Variants in NAXD observed in about 807,000 individuals in gnomAD.
The protein encoded by NAXD is ATP-dependent (S)-NAD(P)H-hydrate dehydratase.
A neutral mutation model predicts 35.8 loss-of-function variants in NAXD; 22 were observed. The observed-to-expected ratio is 0.62, with a 90% CI of 0.44 to 0.88. NAXD has a LOEUF of 0.88. NAXD is among the 40% of genes least tolerant of loss of function. The pLI is 0.00. For synonymous variants in NAXD, 189 were observed against 177.6 expected (o/e 1.06, Z -0.51); for missense variants, 428 against 437.7 (o/e 0.98, Z 0.20).
intron 1 of NAXD, among the ~76,000 whole-genome samples, chr13:110,617,921 G>A (rs1407467255): frequency 6.6e-6 from 1 of 152,150 alleles, no homozygotes; most frequent in African/African-American, 2.4e-5. Flanking sequence ...GGCTGTGTTC[G>A]AGGTGATTGA....
At chr13:110,620,091 G>A (rs900240019) in intron 1 of NAXD, among the ~76,000 whole-genome samples, 1 of 151,908 alleles carries the variant, frequency 6.6e-6, no homozygotes, top group Non-Finnish European at 1.5e-5. Context: ...GAGCCACTGC[G>A]CCTGGCCCCA....
At chr13:110,621,874 A>G (rs920418041) in intron 1 of NAXD, among the ~76,000 whole-genome samples, 21 of 151,988 alleles carry the variant, frequency 1.4e-4, no homozygotes, top group African/African-American at 4.8e-4. Context: ...TACTGAAAAT[A>G]CAAAAATTAG....
At position 110,617,399 on chromosome 13, in the gene NAXD, T is replaced by C. The variant is rs534992433; in HGVS notation, c.46+1752T>C. Among the ~76,000 whole-genome samples, 26 of 152,338 alleles carry C rather than the reference T, an allele frequency of 1.7e-4. No individual in the cohort carries two copies. In the South Asian group the frequency reaches 5.4e-3, roughly 32 times the overall value. ...AATGGGATACATCTTAAGTCGCCTA[T>C]TGTCAAGGCCTTTTTATCCTTCAGA... On this transcript the variant is annotated intron_variant, in intron 1 of 9. Transcript: ENST00000680254.
intron 1 of NAXD, among the ~76,000 whole-genome samples, chr13:110,619,869 G>A (rs1886194300): frequency 6.6e-6 from 1 of 152,118 alleles, no homozygotes; most frequent in African/African-American, 2.4e-5. Context: ...CATAATCTTG[G>A]CTCACTGCAG....
Position 110,638,280 on chromosome 13 carries a change from AGATT to A in NAXD, c.840-95_840-92del. Reference sequence around the variant, plus strand: ...TTGAAATTGACAATTTGGGGTCCTGAGATTGAAACAGGAGTCAAAACCAGAGCCC... The same window carrying A: ...TTGAAATTGACAATTTGGGGTCCTGAGAAACAGGAGTCAAAACCAGAGCCC... On this transcript the variant is annotated intron_variant, in intron 9 of 9. Transcript: ENST00000680254. The surrounding 1 kb of genome is among the most constrained non-coding windows in gnomAD (Gnocchi z 5.4). The A allele has an allele frequency of 1.3e-6, 2 of 1,594,240 alleles. No homozygotes were observed. Among genetic ancestry groups the A allele is most frequent in the Non-Finnish European group, 1.7e-6 (2 of 1,171,112 alleles).
chr13:110,622,545 A>G (rs1045269265), intron 2 of NAXD, among the ~76,000 whole-genome samples, 179 bp downstream of exon 2: 1 of 152,186 alleles, frequency 6.6e-6, no homozygotes, highest in Admixed American at 6.5e-5. Flanking sequence ...AACTCTGAGG[A>G]GCCCTGACTG....
In NAXD at chr13:110,632,491, C is replaced by T. The variant is rs537225762; in HGVS notation, c.442-2054C>T. ...CCCACATCCTGCTGATTGGTAGAGC[C>T]GAGTGGCCTGTTTTGTCAGGGCACT... On this transcript the variant is annotated intron_variant, in intron 5 of 9. Coordinates refer to ENST00000680254, the MANE Select transcript of NAXD (RefSeq NM_001242882.2). 9.2e-5 allele frequency among the ~76,000 whole-genome samples: 14 copies of T among 152,246 alleles called. No individual in the cohort carries two copies. The East Asian group carries it at 1.4e-3, about 15-fold the overall frequency.
chr13:110,627,568 C>T (rs775478477), intron 5 of NAXD, 21 bp downstream of exon 5: 2 of 1,526,166 alleles, frequency 1.3e-6, no homozygotes, highest in Non-Finnish European at 9.1e-7. Flanking sequence ...TACTCACTCA[C>T]TTCCCTCATG....
chr13:110,625,716 A>G (rs560548829), intron 4 of NAXD, among the ~76,000 whole-genome samples: 2 of 152,244 alleles, frequency 1.3e-5, no homozygotes, highest in Admixed American at 6.5e-5. Context: ...CAGACCGCCT[A>G]TGCTATAGAG....
chr13:110,634,497 C>CA (rs1566621645), intron 5 of NAXD, 48 bp from the exon 6 acceptor site: 1 of 1,594,312 alleles, frequency 6.3e-7, no homozygotes, highest in Non-Finnish European at 8.6e-7. Context: ...CACATACCCA[C>CA]ACCATAGCAG....
intron 8 of NAXD, among the ~76,000 whole-genome samples, 164 bp downstream of exon 8, chr13:110,635,752 GT>G (rs1235905689): frequency 2.0e-5 from 3 of 152,000 alleles, no homozygotes; most frequent in Non-Finnish European, 4.4e-5. Context: ...CAGAGTCCAT[GT>G]TTTGACTTTT....
intron 1 of NAXD, among the ~76,000 whole-genome samples, chr13:110,617,235 TA>T (rs1379963739): frequency 1.3e-5 from 2 of 152,252 alleles, no homozygotes; most frequent in Admixed American, 6.5e-5. Context: ...TTTGTTTTTT[TA>T]AGTAGAATTT....
rs1274937527 is a variant in NAXD at position 110,638,496 on chromosome 13, G to A, written c.958G>A (p.Gly320Arg). The change falls in exon 10 of 10, where the codon GGG (glycine) becomes AGG (arginine). Residue 320 changes from glycine (G) to arginine (R), a missense_variant. Physicochemically the swap from Gly to Arg is moderately radical, Grantham distance 125. This residue lies in a region of NAXD where 209 missense variants were observed against 214.6 expected (regional missense o/e 0.97). Transcript: ENST00000680254. This position sits in a 1 kb window ranked among gnomAD's most constrained non-coding sequence, Gnocchi z 5.4. ...TTTSDMIAEV[G>R]AAFSKLFET ...CACCTCCGACATGATCGCCGAGGTGGGGGCCGCCTTCAGCAAGCTCTTTGA... is the reference window on the plus strand; with the variant it reads ...CACCTCCGACATGATCGCCGAGGTGAGGGCCGCCTTCAGCAAGCTCTTTGA... 3 of 1,612,946 alleles carry A rather than the reference G, an allele frequency of 1.9e-6. No individual in the cohort carries two copies. The highest frequency in any genetic ancestry group is 2.2e-5 in the South Asian group (2 of 91,050).
intron 3 of NAXD, among the ~76,000 whole-genome samples, chr13:110,624,705 A>T (rs534085268): frequency 6.6e-6 from 1 of 152,238 alleles, no homozygotes; most frequent in Non-Finnish European, 1.5e-5. Flanking sequence ...CACGTGATCC[A>T]TGCGCCTCGG....
Position 110,639,029 on chromosome 13 carries a change from C to T in NAXD, c.*501C>T. The stretch of plus-strand genomic sequence containing the variant: ...GTCCATCAGAGGGCTGCTTCGTTCT[C>T]CAGCTCATCTTCTTTTAAAGTGGTG... On this transcript the variant is annotated 3_prime_UTR_variant, in exon 10 of 10. Coordinates refer to ENST00000680254, the MANE Select transcript of NAXD (RefSeq NM_001242882.2). The T allele has an allele frequency of 3.6e-6, 1 of 276,140 alleles. No individual in the cohort carries two copies. The highest frequency in any genetic ancestry group is 3.7e-5 in the South Asian group (1 of 27,080). The allele number at this position is 276,140 out of a possible 1,614,324, so 17.1% of individuals were successfully genotyped here. A position where few individuals can be genotyped will look rare whatever the true frequency, so the allele number is the denominator to read the frequency against.
chr13:110,621,523 C>G (rs1257702347), intron 1 of NAXD, among the ~76,000 whole-genome samples: 5 of 151,808 alleles, frequency 3.3e-5, no homozygotes, highest in East Asian at 1.9e-4. Context: ...TGGTGAAACC[C>G]TGTCTCTACT....
chr13:110,623,663 G>A (rs1286264950), intron 2 of NAXD, among the ~76,000 whole-genome samples: 1 of 152,258 alleles, frequency 6.6e-6, no homozygotes, highest in East Asian at 1.9e-4. Context: ...AGGCATTACT[G>A]CCAGAGATTC....
Position 110,622,772 on chromosome 13 carries a change from C to G in NAXD, c.197+406C>G, listed in dbSNP as rs549065397. Among the ~76,000 whole-genome samples the G allele has an allele frequency of 1.8e-4, 27 of 152,304 alleles. No individual in the cohort carries two copies. The South Asian group carries it at 5.6e-3, about 32-fold the overall frequency. ...TGAAATTTGACAAATCCCTAGCTTGCTTCTGTTCTGTTTTGCTGCTGTGTT... is the reference window on the plus strand; with the variant it reads ...TGAAATTTGACAAATCCCTAGCTTGGTTCTGTTCTGTTTTGCTGCTGTGTT... On this transcript the variant is annotated intron_variant, in intron 2 of 9. Coordinates refer to ENST00000680254, the MANE Select transcript of NAXD (RefSeq NM_001242882.2).
chr13:110,621,382 C>G (rs890072745), intron 1 of NAXD, among the ~76,000 whole-genome samples: 9 of 152,172 alleles, frequency 5.9e-5, no homozygotes, highest in Non-Finnish European at 1.0e-4. Flanking sequence ...AGATACATTT[C>G]AAAAATAAAC....
Sources: gnomAD v4.1 joint callset for allele counts (sites outside exome capture counted in the v4.1 genomes callset) on GRCh38, gnomAD v4.1.1 for gene constraint, gnomAD v4.1.1 regional missense constraint, Gnocchi (gnomAD v3.1) non-coding constraint, MANE v1.5 for transcripts, NCBI Gene and HGNC (gene_info 2026-07-23, HGNC 2026-07-21) for gene names.